The following ASCC3 variants were observed in gnomAD, a reference collection of about 807,000 sequenced individuals.
ASCC3 encodes the protein activating signal cointegrator 1 complex subunit 3, also known as ASC-1 complex subunit P200.
A neutral mutation model predicts 256.3 loss-of-function variants in ASCC3; 158 were observed. That is an observed-to-expected ratio of 0.62 (90% confidence interval 0.54 to 0.70). ASCC3 has a LOEUF of 0.70. ASCC3 is among the 30% of genes least tolerant of loss of function. The pLI, the probability that ASCC3 is intolerant of heterozygous loss-of-function variation, is 0.00. For synonymous variants in ASCC3, 948 were observed against 883.4 expected (o/e 1.07, Z -1.30); for missense variants, 2,259 against 2,626.0 (o/e 0.86, Z 3.05).
intron 4 of ASCC3, among the ~76,000 whole-genome samples, chr6:100,828,432 T>C (rs1301798458): frequency 6.6e-6 from 1 of 152,182 alleles, no homozygotes; most frequent in Non-Finnish European, 1.5e-5. Context: ...TCAAACCCTA[T>C]ATATACTATT....
At chr6:100,521,773 C>T (rs781498526) in intron 37 of ASCC3, among the ~76,000 whole-genome samples, 1 of 152,224 alleles carries the variant, frequency 6.6e-6, no homozygotes, top group Non-Finnish European at 1.5e-5. Context: ...CTGATAGGGG[C>T]TAAGGCCAAG....
intron 8 of ASCC3, among the ~76,000 whole-genome samples, chr6:100,791,372 T>C (rs926761974): frequency 6.6e-6 from 1 of 151,972 alleles, no homozygotes; most frequent in Non-Finnish European, 1.5e-5. Flanking sequence ...AAACTTAATT[T>C]GGAAGATTCT....
At chr6:100,594,014 TACACACACAG>T (rs1772143656) in intron 34 of ASCC3, among the ~76,000 whole-genome samples, 1 of 152,016 alleles carries the variant, frequency 6.6e-6, no homozygotes, top group South Asian at 2.1e-4. Flanking sequence ...ATACATAATA[TACACACACAG>T]ACACACACAA....
At chr6:100,530,528 T>C in intron 37 of ASCC3, 1 of 784,228 alleles carries the variant, frequency 1.3e-6, no homozygotes, top group Non-Finnish European at 2.4e-6. Flanking sequence ...TTGGAATAGA[T>C]GGTATATAGC....
At chr6:100,640,604 C>T (rs1267706940) in intron 24 of ASCC3, among the ~76,000 whole-genome samples, 3 of 152,108 alleles carry the variant, frequency 2.0e-5, no homozygotes, top group Non-Finnish European at 2.9e-5. Flanking sequence ...AATTAAAGCA[C>T]CAAACATTTT....
At chr6:100,656,986 A>G (rs952634650) in intron 16 of ASCC3, among the ~76,000 whole-genome samples, 2 of 151,304 alleles carry the variant, frequency 1.3e-5, no homozygotes, top group African/African-American at 4.8e-5. Context: ...TATTAAAGAA[A>G]GTAAAACCTT....
chr6:100,632,898 T>C (rs1340355468), intron 25 of ASCC3, among the ~76,000 whole-genome samples: 2 of 152,090 alleles, frequency 1.3e-5, no homozygotes, highest in Admixed American at 6.6e-5. Flanking sequence ...CTCCTCGATG[T>C]TGGTCTTGGC....
rs542767534 is a variant in ASCC3 at position 100,623,239 on chromosome 6, A to G, written c.4785+1953T>C. On this transcript the variant is annotated intron_variant, in intron 30 of 41. Coordinates refer to ENST00000369162, the MANE Select transcript of ASCC3 (RefSeq NM_006828.4). ...TTTATCAACATTACTTTGAACATAA[A>G]TTATTTTCTTAAATATCTGGTATAC... Among the ~76,000 whole-genome samples, 8 of 152,260 alleles carry G rather than the reference A, an allele frequency of 5.3e-5. No individual in the cohort carries two copies. In the South Asian group the frequency reaches 1.4e-3, roughly 28 times the overall value.
intron 36 of ASCC3, among the ~76,000 whole-genome samples, chr6:100,586,429 C>A (rs181713462): frequency 6.6e-6 from 1 of 152,274 alleles, no homozygotes; most frequent in South Asian, 2.1e-4. Flanking sequence ...TTTTTAAGCT[C>A]GTTGGAAAAG....
intron 30 of ASCC3, among the ~76,000 whole-genome samples, chr6:100,608,082 A>G (rs1166239318): frequency 7.0e-5 from 5 of 71,424 alleles, no homozygotes; most frequent in East Asian, 3.5e-4. Flanking sequence ...ATATATATGT[A>G]TATATATCTA....
chr6:100,839,090 A>T (rs1347241118), intron 4 of ASCC3, among the ~76,000 whole-genome samples: 1 of 152,130 alleles, frequency 6.6e-6, no homozygotes, highest in African/African-American at 2.4e-5. Context: ...TATTACATGT[A>T]ACTCTCCATA....
At chr6:100,788,590 A>G (rs1274204087) in intron 8 of ASCC3, among the ~76,000 whole-genome samples, 1 of 152,024 alleles carries the variant, frequency 6.6e-6, no homozygotes. Flanking sequence ...AAATTGAAGT[A>G]CGGATACAAA....
intron 3 of ASCC3, among the ~76,000 whole-genome samples, chr6:100,854,036 C>T (rs1159190553): frequency 1.3e-5 from 2 of 151,992 alleles, no homozygotes; most frequent in Non-Finnish European, 2.9e-5. Flanking sequence ...AATTATTAAA[C>T]AAGTACAATA....
chr6:100,535,600 C>G (rs527953544), intron 37 of ASCC3, among the ~76,000 whole-genome samples: 1 of 151,828 alleles, frequency 6.6e-6, no homozygotes, highest in Admixed American at 6.6e-5. Context: ...TCCCGAGTAG[C>G]TGGGATTACA....
intron 8 of ASCC3, among the ~76,000 whole-genome samples, chr6:100,792,962 T>G (rs1048974515): frequency 6.6e-6 from 1 of 151,978 alleles, no homozygotes; most frequent in Non-Finnish European, 1.5e-5. Context: ...CTTTGGAAAT[T>G]ACCTTTATGA....
chr6:100,529,440 G>C (rs965989426), intron 37 of ASCC3, among the ~76,000 whole-genome samples: 4 of 152,154 alleles, frequency 2.6e-5, no homozygotes, highest in African/African-American at 9.6e-5. Context: ...ACACTGTAGA[G>C]TGATATAATA....
rs1781676727 is a variant in ASCC3 at position 100,766,759 on chromosome 6, G to T, written c.1597-54C>A. 13 of 1,602,844 alleles carry T rather than the reference G, an allele frequency of 8.1e-6. No homozygotes were observed. The African/African-American group carries it at 9.4e-5, about 12-fold the overall frequency. On this transcript the variant is annotated intron_variant, in intron 9 of 41. Transcript: ENST00000369162. ...ATGAGCAAAAACTACCATGTCATTTGTCTTACAGTAGCCAATACAAGTCAC... is the reference window on the plus strand; with the variant it reads ...ATGAGCAAAAACTACCATGTCATTTTTCTTACAGTAGCCAATACAAGTCAC...
At chr6:100,532,378 G>GTA (rs1219461410) in intron 37 of ASCC3, among the ~76,000 whole-genome samples, 182 of 69,070 alleles carry the variant, frequency 2.6e-3, no homozygotes, top group Middle Eastern at 8.8e-3. Context: ...GTGTATGTGT[G>GTA]TATATATATA....
chr6:100,652,997 C>T, intron 17 of ASCC3, 108 bp from the exon 18 acceptor site: 2 of 1,003,404 alleles, frequency 2.0e-6, no homozygotes, highest in Non-Finnish European at 3.0e-6. Flanking sequence ...TTTAGTTAGA[C>T]TTTTTAATTA....
Sources: allele counts gnomAD v4.1 joint callset (sites outside exome capture counted in the v4.1 genomes callset), GRCh38; gene constraint gnomAD v4.1.1; transcripts MANE v1.5; gene names NCBI Gene and HGNC (gene_info 2026-07-23, HGNC 2026-07-21).